The following DTL variants were observed in gnomAD, a reference collection of about 807,000 sequenced individuals.
DTL encodes denticleless protein homolog.
A neutral mutation model predicts 87.0 loss-of-function variants in DTL; 46 were observed. That is an observed-to-expected ratio of 0.53 (90% CI 0.42 to 0.68). The LOEUF is 0.68. Among genes scored for constraint, DTL ranks in the 30% least tolerant of loss-of-function variants. The pLI is 0.00. For missense variants in DTL, 737 were observed against 869.4 expected (o/e 0.85, Z 1.91); for synonymous variants, 308 against 311.2 (o/e 0.99, Z 0.11).
At chr1:212,084,866 C>T (rs1223520354) in intron 13 of DTL, among the ~76,000 whole-genome samples, 1 of 152,128 alleles carries the variant, frequency 6.6e-6, no homozygotes, top group Non-Finnish European at 1.5e-5. Flanking sequence ...CCTCAGGATC[C>T]ATGGGGGATT....
At chr1:212,082,470 G>A (rs754346912) in intron 13 of DTL, among the ~76,000 whole-genome samples, 2 of 152,162 alleles carry the variant, frequency 1.3e-5, no homozygotes, top group Admixed American at 6.5e-5. Flanking sequence ...CGTATAGAGA[G>A]GGGGAGATTG....
chr1:212,099,151 CCTT>C (rs1431605990), intron 13 of DTL, among the ~76,000 whole-genome samples: 1 of 152,216 alleles, frequency 6.6e-6, no homozygotes, highest in African/African-American at 2.4e-5. Flanking sequence ...TTTCAGTTCT[CCTT>C]CTCCCATGAT....
intron 5 of DTL, among the ~76,000 whole-genome samples, chr1:212,056,308 G>T (rs1179853343): frequency 6.6e-6 from 1 of 152,108 alleles, no homozygotes; most frequent in Non-Finnish European, 1.5e-5. Flanking sequence ...TGGCCCACCT[G>T]GTATTTCAAT....
chr1:212,043,624 GT>G (rs1330376773), intron 2 of DTL, among the ~76,000 whole-genome samples: 1 of 149,220 alleles, frequency 6.7e-6, no homozygotes, highest in Non-Finnish European at 1.5e-5. Context: ...GAGGTCAGGA[GT>G]TCAAGGCAGC....
At chr1:212,092,105 C>A in intron 13 of DTL, among the ~76,000 whole-genome samples, 1 of 152,226 alleles carries the variant, frequency 6.6e-6, no homozygotes, top group East Asian at 1.9e-4. Flanking sequence ...GTCTTTTATC[C>A]CTTACCTCCC....
At chr1:212,092,923 A>G (rs140194972) in intron 13 of DTL, among the ~76,000 whole-genome samples, 10 of 152,236 alleles carry the variant, frequency 6.6e-5, no homozygotes, top group African/African-American at 2.2e-4. Context: ...ATCCACCCCA[A>G]TGATGGCCAT....
At position 212,068,340 on chromosome 1, in the gene DTL, T is replaced by C. The variant is rs768613178; in HGVS notation, c.817+13T>C. 1 of 1,537,146 alleles carries C rather than the reference T, an allele frequency of 6.5e-7. No individual in the cohort carries two copies. Among genetic ancestry groups the C allele is most frequent in the Non-Finnish European group, 8.9e-7 (1 of 1,129,824 alleles). ...ACTCGAAAACTTGGTAAGCCTTTAATAGGTCTTTTGGGGGAGATAAGAGTT... is the reference window on the plus strand; with the variant it reads ...ACTCGAAAACTTGGTAAGCCTTTAACAGGTCTTTTGGGGGAGATAAGAGTT... On this transcript the variant is annotated intron_variant, in intron 9 of 14. Transcript: ENST00000366991.
chr1:212,074,442 A>G (rs775798399), intron 11 of DTL, among the ~76,000 whole-genome samples: 11 of 152,290 alleles, frequency 7.2e-5, no homozygotes, highest in South Asian at 4.1e-4. Flanking sequence ...CAGACAACCA[A>G]TCAGTGTCTA....
chr1:212,056,467 T>G (rs34192465), intron 5 of DTL, among the ~76,000 whole-genome samples: 10,617 of 152,188 alleles, frequency 0.07, 471 homozygotes, highest in Admixed American at 0.14. Context: ...TCTCCAACCA[T>G]CACCATAGAT....
At chr1:212,048,071 CAG>C (rs892631794) in intron 5 of DTL, among the ~76,000 whole-genome samples, 4 of 152,212 alleles carry the variant, frequency 2.6e-5, no homozygotes, top group Admixed American at 6.5e-5. Flanking sequence ...ATTTGTAAAA[CAG>C]AGTTACTTTA....
intron 5 of DTL, among the ~76,000 whole-genome samples, chr1:212,048,999 T>C (rs1667886258): frequency 6.6e-6 from 1 of 152,090 alleles, no homozygotes; most frequent in Non-Finnish European, 1.5e-5. Context: ...CTTGGCTCAC[T>C]GCAACCTCCA....
At chr1:212,093,877 A>G (rs775577583) in intron 13 of DTL, among the ~76,000 whole-genome samples, 3 of 152,136 alleles carry the variant, frequency 2.0e-5, no homozygotes, top group Non-Finnish European at 4.4e-5. Flanking sequence ...CTAGCCAGGG[A>G]TCACACCTTC....
At chr1:212,079,326 G>A (rs1358637483) in intron 12 of DTL, among the ~76,000 whole-genome samples, 1 of 151,226 alleles carries the variant, frequency 6.6e-6, no homozygotes, top group Non-Finnish European at 1.5e-5. Flanking sequence ...TTTTTCAATT[G>A]TCATATATTA....
chr1:212,055,577 G>C (rs1668148869), intron 5 of DTL, among the ~76,000 whole-genome samples: 1 of 152,124 alleles, frequency 6.6e-6, no homozygotes, highest in African/African-American at 2.4e-5. Context: ...TCCACTTCCT[G>C]CAACCACCAC....
At chr1:212,087,911 T>C (rs1655177648) in intron 13 of DTL, among the ~76,000 whole-genome samples, 2 of 152,202 alleles carry the variant, frequency 1.3e-5, no homozygotes, top group African/African-American at 2.4e-5. Flanking sequence ...AGGGTTTAAG[T>C]GCTAAGACAT....
Position 212,068,207 on chromosome 1 carries a change from T to C in DTL, c.714-17T>C. 6.4e-7 allele frequency: 1 copy of C among 1,551,740 alleles called. No homozygotes were observed. Among genetic ancestry groups the C allele is most frequent in the South Asian group, 1.2e-5 (1 of 85,270 alleles). ...TGGAAGAAGGTCTACAAAATATTTA[T>C]TTGCCTTGGTTTTTAGGATAATCAA... is the stretch of plus-strand genomic sequence containing the variant. On this transcript the variant is annotated splice_polypyrimidine_tract_variant and intron_variant, in intron 8 of 14. Transcript: ENST00000366991.
intron 5 of DTL, among the ~76,000 whole-genome samples, chr1:212,058,270 A>G (rs964849767): frequency 3.3e-5 from 5 of 152,216 alleles, no homozygotes; most frequent in Non-Finnish European, 7.4e-5. Context: ...TCATCAGCAA[A>G]CAGAATATTC....
chr1:212,093,013 A>G (rs772864635), intron 13 of DTL, among the ~76,000 whole-genome samples: 15 of 152,116 alleles, frequency 9.9e-5, no homozygotes, highest in African/African-American at 3.1e-4. Flanking sequence ...GCATTTTTTC[A>G]TAAGTTTGAT....
chr1:212,099,069 G>A (rs889461467), intron 13 of DTL, among the ~76,000 whole-genome samples: 6 of 152,156 alleles, frequency 3.9e-5, no homozygotes, highest in African/African-American at 1.4e-4. Flanking sequence ...TTTCCCTGGG[G>A]ACCAGGAGTG....
Sources: gnomAD v4.1 joint callset for allele counts (sites outside exome capture counted in the v4.1 genomes callset) on GRCh38, gnomAD v4.1.1 for gene constraint, MANE v1.5 for transcripts, NCBI Gene and HGNC (gene_info 2026-07-23, HGNC 2026-07-21) for gene names.